Variants in BTD observed in about 807,000 individuals in gnomAD.
The protein encoded by BTD is biocytinase.
Under a neutral mutation model 17.7 loss-of-function variants are expected in BTD, and 13 were observed. The observed-to-expected ratio is 0.74, with a 90% CI of 0.48 to 1.17. BTD has a LOEUF of 1.17. Ranked by LOEUF, BTD falls within the 50% of genes most tolerant of loss-of-function variation. The pLI is 0.00. For missense variants in BTD, 674 were observed against 650.4 expected, an observed-to-expected ratio of 1.04 and a Z score of -0.39; for synonymous variants, 240 against 245.2, an observed-to-expected ratio of 0.98 and a Z score of 0.20.
At chr3:15,610,113 C>T (rs1035310478) in intron 1 of BTD, among the ~76,000 whole-genome samples, 1 of 152,180 alleles carries the variant, frequency 6.6e-6, no homozygotes, top group African/African-American at 2.4e-5. Context: ...AAAAGAACCA[C>T]CATTTATTTA....
exon 4 of BTD, chr3:15,711,111 T>G (rs919192452): frequency 5.8e-6 from 6 of 1,041,754 alleles, no homozygotes; most frequent in Non-Finnish European, 8.3e-6. Context: ...TGTTTTCTAT[T>G]TTCTGGCAGC....
At chr3:15,680,270 T>C (rs2067401674) in intron 3 of BTD, among the ~76,000 whole-genome samples, 1 of 152,156 alleles carries the variant, frequency 6.6e-6, no homozygotes, top group Non-Finnish European at 1.5e-5. Flanking sequence ...AGTGGCGCGA[T>C]CTTGGCTCAC....
intron 3 of BTD, chr3:15,709,547 A>G (rs2071945737): frequency 5.1e-6 from 3 of 591,666 alleles, no homozygotes; most frequent in South Asian, 2.8e-5. Flanking sequence ...GGGACTCTCA[A>G]TGAATCATGA....
chr3:15,615,538 C>T (rs2064767606), intron 1 of BTD, among the ~76,000 whole-genome samples: 1 of 152,182 alleles, frequency 6.6e-6, no homozygotes, highest in Non-Finnish European at 1.5e-5. Context: ...GGGACATGTT[C>T]CAGTATCACC....
chr3:15,622,109 A>T (rs1190449236), intron 1 of BTD, among the ~76,000 whole-genome samples: 3 of 152,070 alleles, frequency 2.0e-5, no homozygotes, highest in Non-Finnish European at 4.4e-5. Flanking sequence ...AAGAACCAGA[A>T]TTTAGTTTCA....
intron 3 of BTD, chr3:15,678,343 T>C: frequency 6.2e-7 from 1 of 1,604,732 alleles, no homozygotes; most frequent in Non-Finnish European, 8.5e-7. Flanking sequence ...GGCGGCTGCA[T>C]GGAGAGGAGT....
chr3:15,641,975 A>T lies in BTD; in HGVS notation c.317A>T (p.Tyr106Phe). ...TTCAACTTTACAAGAACATCCATTT[A>T]TCCATTTTTGGACTTCATGCCGTCT... ...HGFNFTRTSI[Y>F]PFLDFMPSPQ... is the part of the protein sequence containing the mutation. Residue 106 changes from tyrosine to phenylalanine, a missense_variant, in exon 3 of 4, where the codon TAT (tyrosine) becomes TTT (phenylalanine). Tyr to Phe is a conservative substitution (Grantham distance 22). Transcript: ENST00000643237. 1.2e-6 allele frequency: 2 copies of T among 1,614,136 alleles called. No individual in the cohort carries two copies. Among genetic ancestry groups the T allele is most frequent in the Non-Finnish European group, 1.7e-6 (2 of 1,180,024 alleles).
Position 15,645,231 on chromosome 3 carries a change from GC to G in BTD, c.1318del (p.Leu440TrpfsTer41). Reference sequence around the variant, plus strand: ...TGGCACTTACTACATCCAAGTGTGTGCCCTGGTCAGGTGTGGGGGTCTTGGC... The same window carrying G: ...TGGCACTTACTACATCCAAGTGTGTGCCTGGTCAGGTGTGGGGGTCTTGGC... ...VHGTYYIQVC[A>X]LVRCGGLGFD... On this transcript the variant is annotated frameshift_variant, in exon 4 of 4. Coordinates refer to ENST00000643237, the MANE Select transcript of BTD (RefSeq NM_001370658.1). LOFTEE classifies it high-confidence loss of function. 1.2e-6 allele frequency: 2 copies of G among 1,614,184 alleles called. No individual in the cohort carries two copies. The highest frequency in any genetic ancestry group is 1.7e-6 in the Non-Finnish European group (2 of 1,180,032).
At chr3:15,658,451 A>C (rs2065892518), downstream of BTD, among the ~76,000 whole-genome samples, 1 of 152,206 alleles carries the variant, frequency 6.6e-6, no homozygotes, top group Non-Finnish European at 1.5e-5. Context: ...AATTAGTACC[A>C]AGGCAATCTT....
chr3:15,672,146 ATTTT>A (rs869087310), intron 3 of BTD, among the ~76,000 whole-genome samples: 4 of 136,518 alleles, frequency 2.9e-5, no homozygotes, highest in African/African-American at 8.1e-5. Context: ...TAAAAAAAGG[ATTTT>A]TTTTTTTTTT....
chr3:15,635,395 T>C lies in BTD; in HGVS notation c.-16-29T>C. 1 of 1,614,220 alleles carries C rather than the reference T, an allele frequency of 6.2e-7. No homozygotes were observed. Among genetic ancestry groups the C allele is most frequent in the Non-Finnish European group, 8.5e-7 (1 of 1,180,044 alleles). On this transcript the variant is annotated intron_variant, in intron 1 of 3. Coordinates refer to ENST00000643237, the MANE Select transcript of BTD (RefSeq NM_001370658.1). The surrounding 1 kb of genome is among the most constrained non-coding windows in gnomAD (Gnocchi z 4.1). ...TTCTTGGCAGGATTCTTTATTCAGC[T>C]GTTTTCCCCTTGCCCCATTACATTC...
chr3:15,721,148 G>A (rs1336707222), intron 4 of BTD: 9 of 1,590,182 alleles, frequency 5.7e-6, no homozygotes, highest in Non-Finnish European at 7.7e-6. Context: ...GGAAAAAAAT[G>A]CGAATGTTAA....
At chr3:15,622,160 C>T (rs2064967082) in intron 1 of BTD, among the ~76,000 whole-genome samples, 1 of 151,852 alleles carries the variant, frequency 6.6e-6, no homozygotes, top group African/African-American at 2.4e-5. Flanking sequence ...TCATTGATTT[C>T]TATTCTAGTG....
intron 3 of BTD, 95 bp downstream of exon 3, chr3:15,642,152 G>A (rs1200473610): frequency 1.3e-6 from 2 of 1,558,276 alleles, no homozygotes; most frequent in Non-Finnish European, 1.7e-6. Flanking sequence ...AGATTGATAG[G>A]AGACCTTAAC....
chr3:15,648,870 CAG>C lies in BTD; in HGVS notation c.*3383_*3384del, dbSNP rs1391685180. On this transcript the variant is annotated 3_prime_UTR_variant, in exon 4 of 4. Transcript: ENST00000643237. The stretch of plus-strand genomic sequence containing the variant: ...CAGGGAGAAGATGACCATGTGACAA[CAG>C]GGGCAGAGATCACAGGGATGCCTCT... 5.3e-5 allele frequency among the ~76,000 whole-genome samples: 8 copies of C among 152,122 alleles called. No individual in the cohort carries two copies. The highest frequency in any genetic ancestry group is 4.1e-4 in the South Asian group (2 of 4,830).
At chr3:15,712,724 AAGG>A (rs1260699370) in exon 4 of BTD, among the ~76,000 whole-genome samples, 1 of 152,230 alleles carries the variant, frequency 6.6e-6, no homozygotes, top group Non-Finnish European at 1.5e-5. Flanking sequence ...ATTTGCAAAT[AAGG>A]AGAATGAATA....
intron 3 of BTD, among the ~76,000 whole-genome samples, chr3:15,661,648 T>A (rs768687945): frequency 6.6e-6 from 1 of 152,250 alleles, no homozygotes; most frequent in Non-Finnish European, 1.5e-5. Context: ...TTAAAAATTG[T>A]AATGAAGTCT....
rs1280063213 is a variant in BTD at position 15,696,256 on chromosome 3, C to G, written c.400-13804C>G. ...AAGTATTCCAGGCACCTATATACAA[C>G]AACAACAACATACTGAAAATCCTAA... is the stretch of plus-strand genomic sequence containing the variant. On this transcript the variant is annotated intron_variant, in intron 3 of 3. Transcript: ENST00000672141. 4 of 1,492,434 alleles carry G rather than the reference C, an allele frequency of 2.7e-6. No individual in the cohort carries two copies. In the African/African-American group the frequency reaches 5.5e-5, roughly 20 times the overall value. The allele number at this position is 1,492,434 out of a possible 1,614,324, so 92.4% of individuals were successfully genotyped here. A position where few individuals can be genotyped will look rare whatever the true frequency, so the allele number is the denominator to read the frequency against.
At chr3:15,660,547 T>A (rs1164471291) in intron 3 of BTD, among the ~76,000 whole-genome samples, 1 of 152,246 alleles carries the variant, frequency 6.6e-6, no homozygotes, top group Non-Finnish European at 1.5e-5. Flanking sequence ...ACATTTATTG[T>A]GTTTATATAC....
Sources: allele counts gnomAD v4.1 joint callset (sites outside exome capture counted in the v4.1 genomes callset), GRCh38; gene constraint gnomAD v4.1.1; non-coding constraint Gnocchi (gnomAD v3.1); transcripts MANE v1.5; gene names NCBI Gene and HGNC (gene_info 2026-07-23, HGNC 2026-07-21).